LYPD6: variants seen among roughly 807,000 people sequenced by gnomAD.
LYPD6 encodes LY6/PLAUR domain containing 6.
LYPD6 carries 15 observed loss-of-function variants against 22.7 expected under a neutral mutation model. The observed-to-expected ratio is 0.66, with a 90% CI of 0.44 to 1.02. The LOEUF is 1.02. LYPD6 is among the 50% of genes least tolerant of loss of function. The probability of loss-of-function intolerance (pLI) is 0.00; values close to 1 mark genes in which losing one functional copy is unlikely to be tolerated. For synonymous variants in LYPD6, 72 were observed against 77.5 expected, an observed-to-expected ratio of 0.93 and a Z score of 0.37; for missense variants, 189 against 208.4, an observed-to-expected ratio of 0.91 and a Z score of 0.57.
intron 1 of LYPD6, among the ~76,000 whole-genome samples, chr2:149,398,654 C>T (rs143858502): frequency 6.6e-6 from 1 of 152,172 alleles, no homozygotes; most frequent in African/African-American, 2.4e-5. Context: ...CTAGCCCTCT[C>T]ATGGGGTTGT....
intron 3 of LYPD6, among the ~76,000 whole-genome samples, chr2:149,467,960 C>A (rs1681239893): frequency 6.6e-6 from 1 of 152,110 alleles, no homozygotes; most frequent in South Asian, 2.1e-4. Flanking sequence ...TGGTCTTCAT[C>A]TGTTGTCCTA....
At chr2:149,455,610 G>A (rs1023981608) in intron 3 of LYPD6, among the ~76,000 whole-genome samples, 10 of 151,944 alleles carry the variant, frequency 6.6e-5, no homozygotes, top group African/African-American at 1.4e-4. Context: ...ACTTTTTTTC[G>A]TACACTGAGA....
In LYPD6 at chr2:149,353,782, T is replaced by A. The variant is rs549047024; in HGVS notation, c.-72+23060T>A. Among the ~76,000 whole-genome samples, 315 of 152,128 alleles carry A rather than the reference T, an allele frequency of 2.1e-3. 2 individuals are homozygous for A. The highest frequency in any genetic ancestry group is 7.0e-3 in the African/African-American group (291 of 41,510). On this transcript the variant is annotated intron_variant, in intron 1 of 4. Transcript: ENST00000334166. ...TAAATGTGCTCATTAAAAAAAAAAATTCCACCTTGAAACCTTTTTAAGGCT... is the reference window on the plus strand; with the variant it reads ...TAAATGTGCTCATTAAAAAAAAAAAATCCACCTTGAAACCTTTTTAAGGCT...
downstream of LYPD6, among the ~76,000 whole-genome samples, chr2:149,475,393 G>T (rs918246705): frequency 1.3e-5 from 2 of 152,046 alleles, no homozygotes; most frequent in African/African-American, 4.8e-5. Flanking sequence ...TCACCTTGGG[G>T]CACTCTTCAC....
At chr2:149,376,420 C>G (rs936798895) in intron 1 of LYPD6, among the ~76,000 whole-genome samples, 5 of 152,016 alleles carry the variant, frequency 3.3e-5, no homozygotes, top group Non-Finnish European at 5.9e-5. Flanking sequence ...CTTCTTAACT[C>G]TGCTCAGTAG....
intron 2 of LYPD6, among the ~76,000 whole-genome samples, chr2:149,444,128 T>C (rs960510227): frequency 6.6e-6 from 1 of 152,056 alleles, no homozygotes; most frequent in Non-Finnish European, 1.5e-5. Context: ...GAGACAGGAT[T>C]TCTTCATGTT....
In LYPD6 at chr2:149,375,395, GAAT is replaced by G. The variant is rs1344887711; in HGVS notation, c.-72+44674_-72+44676del. Among the ~76,000 whole-genome samples, 9 of 152,234 alleles carry G rather than the reference GAAT, an allele frequency of 5.9e-5. No homozygotes were observed. In the Middle Eastern group the frequency reaches 0.02, roughly 345 times the overall value. ...GTGAGAGGTTTCTTTTCCTCTGAAG[GAAT>G]GATGATGATGATAATCATGCCTACT... On this transcript the variant is annotated intron_variant, in intron 1 of 4. Transcript: ENST00000334166.
chr2:149,456,252 T>G lies in LYPD6; in HGVS notation c.217+7105T>G, dbSNP rs138629427. ...TCTATTTTCTTTCATCTTGGGCTCT[T>G]TTTTTCTTTCGCTTTCAATTTTACT... is the stretch of plus-strand genomic sequence containing the variant. On this transcript the variant is annotated intron_variant, in intron 3 of 4. Coordinates refer to ENST00000334166, the MANE Select transcript of LYPD6 (RefSeq NM_194317.5). 5.2e-3 allele frequency among the ~76,000 whole-genome samples: 790 copies of G among 152,274 alleles called. 11 individuals carry two copies. Among genetic ancestry groups the G allele is most frequent in the African/African-American group, 0.018 (746 of 41,570 alleles).
intron 1 of LYPD6, among the ~76,000 whole-genome samples, chr2:149,359,586 T>G (rs571254475): frequency 3.9e-5 from 6 of 152,222 alleles, no homozygotes; most frequent in Non-Finnish European, 7.3e-5. Context: ...TGACATCACT[T>G]GAGTGACTTG....
intron 1 of LYPD6, among the ~76,000 whole-genome samples, chr2:149,428,386 A>G (rs187456715): frequency 3.3e-5 from 5 of 152,312 alleles, no homozygotes; most frequent in Admixed American, 3.3e-4. Flanking sequence ...AAAACTGGCC[A>G]GAAATGCAAG....
intron 1 of LYPD6, among the ~76,000 whole-genome samples, chr2:149,434,098 AG>A (rs1407567798): frequency 6.6e-6 from 1 of 152,114 alleles, no homozygotes; most frequent in African/African-American, 2.4e-5. Flanking sequence ...GGCACCATGG[AG>A]GTACCATGAT....
chr2:149,467,788 A>T lies in LYPD6; in HGVS notation c.218-857A>T, dbSNP rs147642700. 5.3e-3 allele frequency among the ~76,000 whole-genome samples: 804 copies of T among 152,298 alleles called. 6 individuals carry two copies. Among genetic ancestry groups the T allele is most frequent in the African/African-American group, 0.017 (727 of 41,568 alleles). The stretch of plus-strand genomic sequence containing the variant: ...GAACATTCTCCTAAATCCCAGACTT[A>T]GAGAGCTGAACATTGCCTGGAGGCC... On this transcript the variant is annotated intron_variant, in intron 3 of 4. Transcript: ENST00000334166.
At chr2:149,416,817 G>A (rs193043112) in intron 1 of LYPD6, among the ~76,000 whole-genome samples, 13 of 152,310 alleles carry the variant, frequency 8.5e-5, no homozygotes, top group African/African-American at 1.7e-4. Flanking sequence ...TCAGAAGATC[G>A]CCTCCTAGCT....
chr2:149,439,697 A>G (rs753276713), intron 2 of LYPD6, among the ~76,000 whole-genome samples: 1 of 152,178 alleles, frequency 6.6e-6, no homozygotes, highest in African/African-American at 2.4e-5. Flanking sequence ...GGGAAATTCA[A>G]TTTCAGAAGG....
At chr2:149,345,472 A>ATT (rs60780602) in intron 1 of LYPD6, among the ~76,000 whole-genome samples, 3,385 of 133,700 alleles carry the variant, frequency 0.025, 168 homozygotes, top group African/African-American at 0.089. Flanking sequence ...ACACCTGGCT[A>ATT]TTTTTTTTTT....
intron 1 of LYPD6, among the ~76,000 whole-genome samples, chr2:149,397,470 C>T (rs1682452229): frequency 6.6e-6 from 1 of 152,164 alleles, no homozygotes; most frequent in Non-Finnish European, 1.5e-5. Context: ...GTGCTTCAAC[C>T]ACATTCTATG....
At chr2:149,403,475 T>A (rs1573776008) in intron 1 of LYPD6, among the ~76,000 whole-genome samples, 2 of 148,746 alleles carry the variant, frequency 1.3e-5, no homozygotes, top group Admixed American at 1.3e-4. Flanking sequence ...ATTTCTCTGA[T>A]GGCCAGTGAT....
At chr2:149,382,249 T>G (rs1372122800) in intron 1 of LYPD6, among the ~76,000 whole-genome samples, 2 of 152,184 alleles carry the variant, frequency 1.3e-5, no homozygotes, top group Admixed American at 1.3e-4. Context: ...AGTATTATCA[T>G]AAATAAGGTT....
At chr2:149,466,135 C>T (rs1179200090) in intron 3 of LYPD6, among the ~76,000 whole-genome samples, 3 of 152,062 alleles carry the variant, frequency 2.0e-5, no homozygotes, top group Non-Finnish European at 4.4e-5. Flanking sequence ...AAATGTGGCC[C>T]ACCTAGTTCT....
Sources: gnomAD v4.1 joint callset for allele counts (sites outside exome capture counted in the v4.1 genomes callset) on GRCh38, gnomAD v4.1.1 for gene constraint, MANE v1.5 for transcripts, NCBI Gene and HGNC (gene_info 2026-07-23, HGNC 2026-07-21) for gene names.